CHODL: variants seen among roughly 807,000 people sequenced by gnomAD.
CHODL encodes chondrolectin.
In CHODL, 29 loss-of-function variants were observed where a neutral mutation model predicts 34.5. That is an observed-to-expected ratio of 0.84 (90% CI 0.63 to 1.15). The LOEUF is 1.15. Ranked by LOEUF, CHODL falls within the 50% of genes most tolerant of loss-of-function variation. The pLI, the probability that CHODL is intolerant of heterozygous loss-of-function variation, is 0.00. For missense variants in CHODL, 332 were observed against 332.5 expected (o/e 1.00, Z 0.01); for synonymous variants, 125 against 116.1 (o/e 1.08, Z -0.49).
chr21:18,106,482 C>A (rs868224156), intron 2 of CHODL, among the ~76,000 whole-genome samples: 9 of 136,604 alleles, frequency 6.6e-5, no homozygotes, highest in Non-Finnish European at 1.0e-4. Flanking sequence ...TTTCTTTTTT[C>A]TTTTTTCTTT....
intron 1 of CHODL, among the ~76,000 whole-genome samples, chr21:17,934,173 C>T (rs773002095): frequency 2.6e-4 from 39 of 151,642 alleles, no homozygotes; most frequent in Non-Finnish European, 4.6e-4. Flanking sequence ...GCCCAAACCC[C>T]ACCACTATGC....
intron 1 of CHODL, among the ~76,000 whole-genome samples, chr21:17,925,493 T>C (rs959029183): frequency 3.3e-5 from 5 of 152,216 alleles, no homozygotes; most frequent in African/African-American, 9.6e-5. Context: ...ATTTCTCAAC[T>C]GACCTTTGGC....
At chr21:18,075,438 G>A (rs2064852756) in intron 2 of CHODL, among the ~76,000 whole-genome samples, 1 of 152,136 alleles carries the variant, frequency 6.6e-6, no homozygotes, top group African/African-American at 2.4e-5. Context: ...CCCTGTGACC[G>A]TAATTGAAAC....
chr21:18,106,469 A>G (rs537537509), intron 2 of CHODL, among the ~76,000 whole-genome samples: 2 of 150,694 alleles, frequency 1.3e-5, no homozygotes, highest in African/African-American at 4.9e-5. Flanking sequence ...TTGTTACTAG[A>G]TCTTTCTTTT....
At chr21:18,125,384 T>C (rs906853184) in intron 2 of CHODL, among the ~76,000 whole-genome samples, 1 of 152,152 alleles carries the variant, frequency 6.6e-6, no homozygotes, top group Non-Finnish European at 1.5e-5. Flanking sequence ...TTCATTCACA[T>C]CTTACTCCAT....
chr21:18,145,567 G>GCT (rs1383711091), intron 2 of CHODL, among the ~76,000 whole-genome samples: 2 of 152,020 alleles, frequency 1.3e-5, no homozygotes, highest in Non-Finnish European at 2.9e-5. Flanking sequence ...AGCATAGAAT[G>GCT]GAGGGTGGGC....
chr21:18,065,795 A>C (rs1459805878), intron 2 of CHODL, among the ~76,000 whole-genome samples: 1 of 152,198 alleles, frequency 6.6e-6, no homozygotes, highest in Admixed American at 6.6e-5. Context: ...TGGCAGGAAA[A>C]GCTCAAATGA....
chr21:18,199,759 C>T (rs1380943848), intron 2 of CHODL, among the ~76,000 whole-genome samples: 1 of 152,094 alleles, frequency 6.6e-6, no homozygotes, highest in African/African-American at 2.4e-5. Context: ...TAAGTTTCTC[C>T]TACATCTCTT....
Position 17,941,898 on chromosome 21 carries a change from A to G in CHODL, c.-145+24498A>G, listed in dbSNP as rs534699705. On this transcript the variant is annotated intron_variant, in intron 1 of 6. Transcript: ENST00000400127. Reference sequence around the variant, plus strand: ...TGCTGACTTCTAGCTGCACCTTTACATTGGTGGAAGGGTGATGCCACTCTC... The same window carrying G: ...TGCTGACTTCTAGCTGCACCTTTACGTTGGTGGAAGGGTGATGCCACTCTC... Among the ~76,000 whole-genome samples, 33 of 152,180 alleles carry G rather than the reference A, an allele frequency of 2.2e-4. 1 individual carries two copies. The highest frequency in any genetic ancestry group is 7.0e-4 in the African/African-American group (29 of 41,532).
chr21:18,107,680 G>C (rs954898460), intron 2 of CHODL, among the ~76,000 whole-genome samples: 2 of 152,206 alleles, frequency 1.3e-5, no homozygotes, highest in African/African-American at 2.4e-5. Flanking sequence ...TCCTCCCACT[G>C]GGTAGAACCT....
At chr21:18,091,676 C>T (rs1406154704) in intron 2 of CHODL, among the ~76,000 whole-genome samples, 2 of 152,122 alleles carry the variant, frequency 1.3e-5, no homozygotes, top group African/African-American at 2.4e-5. Context: ...GGCCTAGACT[C>T]GTGGACAACA....
chr21:18,041,461 TA>T (rs2064375317), intron 2 of CHODL, among the ~76,000 whole-genome samples: 1 of 152,090 alleles, frequency 6.6e-6, no homozygotes, highest in South Asian at 2.1e-4. Context: ...AAAGCCATTT[TA>T]TTTTGAAACA....
At chr21:18,127,180 TG>T (rs750395379) in intron 2 of CHODL, among the ~76,000 whole-genome samples, 95 of 143,492 alleles carry the variant, frequency 6.6e-4, no homozygotes, top group Non-Finnish European at 1.2e-3. Context: ...GATGGATATA[TG>T]TTTTTTTTTA....
At chr21:18,176,165 T>G (rs1177287934) in intron 2 of CHODL, among the ~76,000 whole-genome samples, 1 of 152,030 alleles carries the variant, frequency 6.6e-6, no homozygotes, top group African/African-American at 2.4e-5. Context: ...GATCAAGGAC[T>G]GAAAAAACAG....
At chr21:18,220,798 C>A (rs1398460884) in intron 2 of CHODL, among the ~76,000 whole-genome samples, 1 of 151,530 alleles carries the variant, frequency 6.6e-6, no homozygotes, top group South Asian at 2.1e-4. Context: ...TGATTTGATG[C>A]TTTTCTTTTG....
rs1200836313 is a variant in CHODL at position 18,249,330 on chromosome 21, CTA to C, written c.79+4029_79+4030del. On this transcript the variant is annotated intron_variant, in intron 1 of 5. Coordinates refer to ENST00000299295, the MANE Select transcript of CHODL (RefSeq NM_024944.3). ...GATATAACACAGGATGACAACTTGG[CTA>C]AAGTTATACTCTTTGTAATGTGGAA... 4.0e-5 allele frequency among the ~76,000 whole-genome samples: 6 copies of C among 150,726 alleles called. No individual in the cohort carries two copies. In the East Asian group the frequency reaches 1.2e-3, roughly 29 times the overall value.
intron 1 of CHODL, among the ~76,000 whole-genome samples, chr21:18,004,233 T>C (rs201542717): frequency 6.6e-6 from 1 of 152,246 alleles, no homozygotes; most frequent in Non-Finnish European, 1.5e-5. Flanking sequence ...TAATTACTTA[T>C]TGTATTTATT....
intron 1 of CHODL, among the ~76,000 whole-genome samples, chr21:17,953,154 A>G (rs532736510): frequency 3.3e-5 from 5 of 152,228 alleles, no homozygotes; most frequent in Non-Finnish European, 7.3e-5. Context: ...AAAATATTTG[A>G]CCACAGTGCC....
At chr21:18,075,655 C>T (rs1020746267) in intron 2 of CHODL, among the ~76,000 whole-genome samples, 5 of 152,154 alleles carry the variant, frequency 3.3e-5, no homozygotes, top group Admixed American at 6.5e-5. Context: ...ATAATGATAA[C>T]TTCCACATTG....
Sources: gnomAD v4.1 joint callset for allele counts (sites outside exome capture counted in the v4.1 genomes callset) on GRCh38, gnomAD v4.1.1 for gene constraint, MANE v1.5 for transcripts, NCBI Gene and HGNC (gene_info 2026-07-23, HGNC 2026-07-21) for gene names.